UNC93B1: variants seen among roughly 807,000 people sequenced by gnomAD.
The protein encoded by UNC93B1 is unc-93B1 regulator of TLR signaling, also known as protein unc-93 homolog B1.
Under a neutral mutation model 56.8 loss-of-function variants are expected in UNC93B1, and 33 were observed. That is an observed-to-expected ratio of 0.58 (90% CI 0.44 to 0.78). UNC93B1 has a LOEUF of 0.78. Ranked by LOEUF, UNC93B1 falls within the 30% of genes least tolerant of loss-of-function variation. The pLI is 0.00. For synonymous variants in UNC93B1, 334 were observed against 358.6 expected (o/e 0.93, Z 0.77); for missense variants, 673 against 819.5 (o/e 0.82, Z 2.18).
At chr11:67,995,576 GCCC>G (rs747181946) in intron 9 of UNC93B1, 32 bp downstream of exon 9, 91 of 104,614 alleles carry the variant, frequency 8.7e-4, no homozygotes, top group East Asian at 1.1e-3. Flanking sequence ...CCCCTGCCCC[GCCC>G]CCCCCCCCCC....
chr11:67,999,278 G>A lies in UNC93B1; in HGVS notation c.582C>T (p.Ser194=), dbSNP rs767681085. ...CCTGCCCATCCTGCTCCTTGTAGTG[G>A]GAGTACTCATGGTACTTCTGCGCCA... ...TRMAQKYHEY[S]HYKEQDGQGM... The change falls in exon 5 of 11, where the codon TCC becomes TCT. Residue 194 remains serine (S), a synonymous_variant. Coordinates refer to ENST00000227471, the MANE Select transcript of UNC93B1 (RefSeq NM_030930.4). 3.7e-6 allele frequency: 6 copies of A among 1,613,722 alleles called. No individual in the cohort carries two copies. In the South Asian group the frequency reaches 6.6e-5, roughly 18 times the overall value.
rs1001631720 is a variant in UNC93B1 at position 68,003,529 on chromosome 11, C to T, written c.238+128G>A. The T allele has an allele frequency of 2.5e-4, 329 of 1,328,164 alleles. No individual in the cohort carries two copies. Among genetic ancestry groups the T allele is most frequent in the Non-Finnish European group, 3.0e-4 (311 of 1,024,402 alleles). 82.3% of individuals were successfully genotyped at this position (1,328,164 alleles called of 1,614,324 possible). A position where few individuals can be genotyped will look rare whatever the true frequency, so the allele number is the denominator to read the frequency against. ...CAACCCCACCCCCGCCGCGGGGGGCCGTGGCTGCAGCTGCGAGGGCAGCGG... is the reference window on the plus strand; with the variant it reads ...CAACCCCACCCCCGCCGCGGGGGGCTGTGGCTGCAGCTGCGAGGGCAGCGG... On this transcript the variant is annotated intron_variant, in intron 2 of 10. Transcript: ENST00000227471. The surrounding 1 kb of genome is among the most constrained non-coding windows in gnomAD (Gnocchi z 4.4).
At chr11:68,000,786 C>G (rs965205350) in intron 3 of UNC93B1, among the ~76,000 whole-genome samples, 4 of 152,240 alleles carry the variant, frequency 2.6e-5, no homozygotes, top group African/African-American at 9.6e-5. Context: ...TTCAAGCCTT[C>G]AGTCTGCCAG....
intron 8 of UNC93B1, among the ~76,000 whole-genome samples, chr11:67,996,189 G>A (rs1374369992): frequency 6.6e-6 from 1 of 151,564 alleles, no homozygotes; most frequent in African/African-American, 2.4e-5. Flanking sequence ...CGCGATACGG[G>A]GAGTAAGAGC....
intron 7 of UNC93B1, 140 bp downstream of exon 7, chr11:67,997,535 G>A: frequency 2.8e-6 from 4 of 1,415,892 alleles, no homozygotes; most frequent in Non-Finnish European, 2.8e-6. Context: ...AACTCAGATC[G>A]CGCTCCCAGG....
chr11:67,991,303 T>G lies in UNC93B1; in HGVS notation c.*243A>C. 2.5e-6 allele frequency: 1 copy of G among 400,002 alleles called. No individual in the cohort carries two copies. Among genetic ancestry groups the G allele is most frequent in the African/African-American group, 2.1e-5 (1 of 47,552 alleles). 24.8% of individuals were successfully genotyped at this position (400,002 alleles called of 1,614,324 possible). A position where few individuals can be genotyped will look rare whatever the true frequency, so the allele number is the denominator to read the frequency against. On this transcript the variant is annotated 3_prime_UTR_variant, in exon 11 of 11. Coordinates refer to ENST00000227471, the MANE Select transcript of UNC93B1 (RefSeq NM_030930.4). ...GGGCGCGTGCTAAGGGCCCGCGGGG[T>G]TTCAGCTGTATTTTCGAACCCCTGT...
chr11:67,996,451 AAG>A (rs1856948940), intron 8 of UNC93B1, 149 bp downstream of exon 8: 1 of 1,101,740 alleles, frequency 9.1e-7, no homozygotes, highest in Non-Finnish European at 1.2e-6. Context: ...GGACGGGGGT[AAG>A]AGAGGGAAGA....
At chr11:68,002,515 C>G (rs1255713333) in intron 3 of UNC93B1, among the ~76,000 whole-genome samples, 1 of 152,140 alleles carries the variant, frequency 6.6e-6, no homozygotes, top group African/African-American at 2.4e-5. Flanking sequence ...GCACTGTGGA[C>G]CGGTGATGGG....
chr11:67,991,932 G>C (rs1856852347), intron 10 of UNC93B1, 75 bp from the exon 11 acceptor site: 1 of 1,457,586 alleles, frequency 6.9e-7, no homozygotes, highest in African/African-American at 1.5e-5. Flanking sequence ...GCCCCTCGCT[G>C]AGATAGGCCC....
At chr11:67,999,716 C>T in intron 3 of UNC93B1, 36 bp from the exon 4 acceptor site, 1 of 1,599,646 alleles carries the variant, frequency 6.3e-7, no homozygotes, top group South Asian at 1.1e-5. Context: ...CACCACAGGC[C>T]TGCTGGACCA....
At position 68,003,854 on chromosome 11, in the gene UNC93B1, C is replaced by A. The variant is rs771428255; in HGVS notation, c.97-56G>T. ...GATCGCGCCCCGAACCCGTGTCCCC[C>A]GGTGCCCGCCGCCCCCCGGCCCGCC... On this transcript the variant is annotated intron_variant, in intron 1 of 10. Coordinates refer to ENST00000227471, the MANE Select transcript of UNC93B1 (RefSeq NM_030930.4). The surrounding 1 kb of genome is among the most constrained non-coding windows in gnomAD (Gnocchi z 4.4). 6.0e-6 allele frequency: 8 copies of A among 1,339,008 alleles called. No homozygotes were observed. Among genetic ancestry groups the A allele is most frequent in the African/African-American group, 3.0e-5 (2 of 65,722 alleles). 82.9% of individuals were successfully genotyped at this position (1,339,008 alleles called of 1,614,324 possible).
intron 10 of UNC93B1, 107 bp downstream of exon 10, chr11:67,993,569 G>C (rs1176235177): frequency 6.6e-6 from 5 of 758,724 alleles, no homozygotes; most frequent in Non-Finnish European, 1.1e-5. Context: ...CCTTGGCCCA[G>C]AGACTGGCTT....
chr11:67,995,572 CCCCG>C, intron 9 of UNC93B1, 35 bp downstream of exon 9: 1 of 90,122 alleles, frequency 1.1e-5, no homozygotes, highest in South Asian at 2.4e-4. Context: ...AAGCCCCCTG[CCCCG>C]CCCCCCCCCC....
In UNC93B1 at chr11:67,997,815, G is replaced by A. The variant is rs373991204; in HGVS notation, c.782-16C>T. ...CTGTTGGTGCCTGGGAAGGGTGGGG[G>A]TGAGGGCACCGTGAGCAGAGAGTAG... On this transcript the variant is annotated splice_polypyrimidine_tract_variant and intron_variant, in intron 6 of 10. Coordinates refer to ENST00000227471, the MANE Select transcript of UNC93B1 (RefSeq NM_030930.4). 3 of 1,603,180 alleles carry A rather than the reference G, an allele frequency of 1.9e-6. No homozygotes were observed. The highest frequency in any genetic ancestry group is 8.5e-7 in the Non-Finnish European group (1 of 1,178,726).
intron 3 of UNC93B1, among the ~76,000 whole-genome samples, chr11:68,001,114 T>C (rs538081217): frequency 7.3e-4 from 111 of 152,076 alleles, no homozygotes; most frequent in Non-Finnish European, 1.3e-3. Flanking sequence ...GAAAATCGCT[T>C]GAACCTGGGA....
chr11:68,003,602 C>G lies in UNC93B1; in HGVS notation c.238+55G>C. On this transcript the variant is annotated intron_variant, in intron 2 of 10. Transcript: ENST00000227471. The surrounding 1 kb of genome is among the most constrained non-coding windows in gnomAD (Gnocchi z 4.4). ...AGGCGGCGGCCCGCGGTTTCTGTTT[C>G]CCGGGCCGGGCTGGGAGCGGGCGGG... 1 of 1,482,620 alleles carries G rather than the reference C, an allele frequency of 6.7e-7. No individual in the cohort carries two copies. Among genetic ancestry groups the G allele is most frequent in the Non-Finnish European group, 8.9e-7 (1 of 1,119,964 alleles). 91.8% of individuals were successfully genotyped at this position (1,482,620 alleles called of 1,614,324 possible). A position where few individuals can be genotyped will look rare whatever the true frequency, so the allele number is the denominator to read the frequency against.
chr11:67,995,363 AC>A (rs575371516), intron 9 of UNC93B1, among the ~76,000 whole-genome samples: 269 of 151,838 alleles, frequency 1.8e-3, no homozygotes, highest in Middle Eastern at 6.8e-3. Flanking sequence ...ATGGCATGGA[AC>A]CCCCATACCT....
chr11:67,996,846 C>T, intron 7 of UNC93B1, 62 bp from the exon 8 acceptor site: 1 of 1,447,996 alleles, frequency 6.9e-7, no homozygotes, highest in South Asian at 1.5e-5. Flanking sequence ...CAGGCTTCAG[C>T]CCCGCCCTTC....
intron 3 of UNC93B1, among the ~76,000 whole-genome samples, chr11:68,002,360 C>G (rs1841164472): frequency 6.6e-6 from 1 of 152,170 alleles, no homozygotes; most frequent in Non-Finnish European, 1.5e-5. Context: ...CTAATCCTGC[C>G]TGTGCAACGG....
Sources: allele counts gnomAD v4.1 joint callset (sites outside exome capture counted in the v4.1 genomes callset), GRCh38; gene constraint gnomAD v4.1.1; non-coding constraint Gnocchi (gnomAD v3.1); transcripts MANE v1.5; gene names NCBI Gene and HGNC (gene_info 2026-07-23, HGNC 2026-07-21).